Variants in SLC5A11 observed in about 807,000 individuals in gnomAD.
SLC5A11 encodes sodium/myo-inositol cotransporter 2.
Under a neutral mutation model 69.8 loss-of-function variants are expected in SLC5A11, and 48 were observed. The ratio of observed to expected loss-of-function variants is 0.69; its 90% CI spans 0.55 to 0.87. SLC5A11 has a LOEUF of 0.87. SLC5A11 is among the 40% of genes least tolerant of loss of function. The probability of loss-of-function intolerance (pLI) is 0.00; values close to 1 mark genes in which losing one functional copy is unlikely to be tolerated. For synonymous variants in SLC5A11, 319 were observed against 342.4 expected, an observed-to-expected ratio of 0.93 and a Z score of 0.75; for missense variants, 784 against 866.1, an observed-to-expected ratio of 0.91 and a Z score of 1.19.
At chr16:24,908,938 G>C (rs138599553) in exon 14 of SLC5A11, 1 of 1,614,012 alleles carries the variant, frequency 6.2e-7, no homozygotes, top group African/African-American at 1.3e-5. Flanking sequence ...GCTGGTCCTG[G>C]ACTTTATTTA....
intron 8 of SLC5A11, among the ~76,000 whole-genome samples, chr16:24,886,744 C>T (rs1269204874): frequency 1.3e-5 from 2 of 151,992 alleles, no homozygotes; most frequent in Admixed American, 6.6e-5. Context: ...AGGCCAGTAG[C>T]TTGAAACCAG....
rs902841979 is a variant in SLC5A11, at chr16:24,854,820, C to G, written c.-24-3800C>G. Among the ~76,000 whole-genome samples, 11 of 152,276 alleles carry G rather than the reference C, an allele frequency of 7.2e-5. 1 individual carries two copies. In the South Asian group the frequency reaches 2.3e-3, roughly 32 times the overall value. On this transcript the variant is annotated intron_variant, in intron 1 of 15. Coordinates refer to ENST00000347898, the Ensembl canonical transcript of SLC5A11. ...CCACAAGGGTCCCCTCACCCCCTCC[C>G]CTCCTGAAGCTGCCAGAATGCTTTT...
intron 8 of SLC5A11, among the ~76,000 whole-genome samples, chr16:24,884,536 A>G: frequency 7.9e-6 from 1 of 126,176 alleles, no homozygotes; most frequent in African/African-American, 3.0e-5. Flanking sequence ...TTTTTTGTAG[A>G]GATAGAGTCT....
At chr16:24,877,121 A>C in intron 6 of SLC5A11, 137 bp from the exon 8 acceptor site, 1 of 1,507,202 alleles carries the variant, frequency 6.6e-7, no homozygotes, top group Admixed American at 1.9e-5. Flanking sequence ...GCAGTGGATT[A>C]ACAAGGGATG....
intron 9 of SLC5A11, among the ~76,000 whole-genome samples, chr16:24,892,444 T>TA (rs59511866): frequency 0.056 from 7,907 of 140,906 alleles, 537 homozygotes; most frequent in African/African-American, 0.17. Context: ...CCTTTTGTGT[T>TA]AAAAAAAAAA....
rs545355385 is a variant in SLC5A11 at position 24,903,463 on chromosome 16, G to T, written c.1007-3194G>T. Reference sequence around the variant, plus strand: ...TACACATTATTCCTCCTGTCTAGCTGTACTTTTCTATCCATTTACCAACCT... The same window carrying T: ...TACACATTATTCCTCCTGTCTAGCTTTACTTTTCTATCCATTTACCAACCT... On this transcript the variant is annotated intron_variant, in intron 10 of 15. Transcript: ENST00000347898. Among the ~76,000 whole-genome samples, 8 of 152,128 alleles carry T rather than the reference G, an allele frequency of 5.3e-5. 2 individuals carry two copies. The South Asian group carries it at 1.7e-3, about 32-fold the overall frequency.
intron 8 of SLC5A11, 143 bp from the exon 10 acceptor site, chr16:24,890,726 G>T: frequency 1.4e-6 from 1 of 700,438 alleles, no homozygotes; most frequent in Non-Finnish European, 2.5e-6. Flanking sequence ...AAAAATGTGG[G>T]GAGGAGGTTA....
chr16:24,895,875 G>A (rs1035938809), intron 9 of SLC5A11, among the ~76,000 whole-genome samples: 1 of 152,108 alleles, frequency 6.6e-6, no homozygotes, highest in Non-Finnish European at 1.5e-5. Flanking sequence ...ATGAAATACC[G>A]CCCAAGGTGA....
chr16:24,868,470 G>A (rs1055820870), intron 3 of SLC5A11, among the ~76,000 whole-genome samples: 2 of 151,032 alleles, frequency 1.3e-5, no homozygotes, highest in African/African-American at 2.4e-5. Context: ...GTGGTGGCGG[G>A]CGCCTGTAGT....
At chr16:24,883,968 G>T in intron 7 of SLC5A11, 83 bp from the exon 9 acceptor site, 1 of 1,297,864 alleles carries the variant, frequency 7.7e-7, no homozygotes. Flanking sequence ...ATCGGGTCCT[G>T]GCCTTCCAGG....
At chr16:24,877,898 C>T (rs1398899756) in intron 7 of SLC5A11, among the ~76,000 whole-genome samples, 1 of 152,236 alleles carries the variant, frequency 6.6e-6, no homozygotes, top group African/African-American at 2.4e-5. Context: ...GCAGGAGAAT[C>T]ACTTGAACCC....
In SLC5A11 at chr16:24,908,865, T is replaced by C. The variant is rs1360885005; in HGVS notation, c.1435-16T>C. The C allele has an allele frequency of 6.2e-7, 1 of 1,610,488 alleles. No individual in the cohort carries two copies. Among genetic ancestry groups the C allele is most frequent in the Non-Finnish European group, 8.5e-7 (1 of 1,179,846 alleles). On this transcript the variant is annotated splice_polypyrimidine_tract_variant and intron_variant, in intron 13 of 15. Transcript: ENST00000347898. The stretch of plus-strand genomic sequence containing the variant: ...GCCCTTGGCGTCTCTAAGATGATCT[T>C]GCTCTGATTTTGCAGGGTGCCTTCT...
chr16:24,869,093 C>T lies in SLC5A11; in HGVS notation c.208-808C>T, dbSNP rs112228209. On this transcript the variant is annotated intron_variant, in intron 3 of 15. Coordinates refer to ENST00000347898, the Ensembl canonical transcript of SLC5A11. ...ATGTTGGCCAGGCTGGTCTGAAACT[C>T]CTGACCTCAAGTGATCCGCCTGCCT... Among the ~76,000 whole-genome samples the T allele has an allele frequency of 8.2e-3, 1,242 of 152,176 alleles. 18 individuals are homozygous for T. Among genetic ancestry groups the T allele is most frequent in the African/African-American group, 0.028 (1,162 of 41,516 alleles).
chr16:24,910,707 G>A (rs2050453497), intron 15 of SLC5A11, among the ~76,000 whole-genome samples: 6 of 152,110 alleles, frequency 3.9e-5, no homozygotes, highest in Admixed American at 2.0e-4. Context: ...CACTTGTTGA[G>A]TGCCTACGGA....
At chr16:24,864,785 A>G (rs2046819131) in intron 3 of SLC5A11, among the ~76,000 whole-genome samples, 1 of 151,996 alleles carries the variant, frequency 6.6e-6, no homozygotes, top group South Asian at 2.1e-4. Context: ...GTTTAACTAA[A>G]CAGAATATAT....
At chr16:24,906,032 C>T (rs2050032337) in intron 10 of SLC5A11, among the ~76,000 whole-genome samples, 1 of 152,084 alleles carries the variant, frequency 6.6e-6, no homozygotes, top group Non-Finnish European at 1.5e-5. Flanking sequence ...AGCATTCTGA[C>T]AAGAGAATCT....
chr16:24,908,026 G>C, exon 13 of SLC5A11: 1 of 1,613,872 alleles, frequency 6.2e-7, no homozygotes. Flanking sequence ...AGGCCAGCCA[G>C]GGCGGCCAGC....
At chr16:24,891,621 G>A (rs1375118462) in intron 9 of SLC5A11, among the ~76,000 whole-genome samples, 1 of 152,080 alleles carries the variant, frequency 6.6e-6, no homozygotes, top group African/African-American at 2.4e-5. Context: ...ACTGCAGCTG[G>A]CCTAATACAC....
intron 12 of SLC5A11, 140 bp from the exon 14 acceptor site, chr16:24,907,823 C>T: frequency 9.7e-7 from 1 of 1,029,044 alleles, no homozygotes; most frequent in Non-Finnish European, 1.4e-6. Context: ...GAGTTGGAGG[C>T]TGCAGTGAGC....
Sources: gnomAD v4.1 joint callset for allele counts (sites outside exome capture counted in the v4.1 genomes callset) on GRCh38, gnomAD v4.1.1 for gene constraint, MANE v1.5 for transcripts, NCBI Gene and HGNC (gene_info 2026-07-23, HGNC 2026-07-21) for gene names.